ZNF18: variants seen among roughly 807,000 people sequenced by gnomAD.
ZNF18 encodes the protein heart development-specific gene 1 protein.
ZNF18 carries 42 observed loss-of-function variants against 58.1 expected under a neutral mutation model. The observed-to-expected ratio is 0.72, with a 90% confidence interval of 0.56 to 0.93. The LOEUF is 0.93. Ranked by LOEUF, ZNF18 falls within the 40% of genes least tolerant of loss-of-function variation. ZNF18 has a pLI of 0.00. For synonymous variants in ZNF18, 231 were observed against 239.8 expected, an observed-to-expected ratio of 0.96 and a Z score of 0.34; for missense variants, 540 against 644.2, an observed-to-expected ratio of 0.84 and a Z score of 1.75.
At chr17:12,006,864 C>T in the ZNF18 span, among the ~76,000 whole-genome samples, 1 of 152,066 alleles carries the variant, frequency 6.6e-6, no homozygotes, top group African/African-American at 2.4e-5. Flanking sequence ...AAAGTCTCAA[C>T]TAAATGAATT....
intron 6 of ZNF18, 131 bp downstream of exon 6, chr17:11,983,166 G>C: frequency 1.6e-6 from 1 of 639,540 alleles, no homozygotes; most frequent in South Asian, 1.8e-5. Context: ...AAACCAATCA[G>C]ATCATGGCTA....
upstream of ZNF18, among the ~76,000 whole-genome samples, chr17:11,998,019 G>A (rs747927355): frequency 1.3e-5 from 2 of 151,802 alleles, no homozygotes; most frequent in Non-Finnish European, 2.9e-5. Context: ...CTAGTCCAAT[G>A]TGGTGCCATC....
chr17:12,001,586 G>A (rs1225060664), upstream of ZNF18, among the ~76,000 whole-genome samples: 4 of 152,046 alleles, frequency 2.6e-5, no homozygotes, highest in East Asian at 3.9e-4. Flanking sequence ...CCGAGATTGC[G>A]CCACTGCACT....
intron 3 of ZNF18, 75 bp from the exon 4 acceptor site, chr17:11,990,625 C>T: frequency 8.4e-7 from 1 of 1,192,908 alleles, no homozygotes; most frequent in African/African-American, 1.5e-5. Context: ...AGATAACAAT[C>T]TTCACAAATC....
intron 1 of ZNF18, among the ~76,000 whole-genome samples, chr17:11,994,872 G>A (rs1213196794): frequency 6.6e-6 from 1 of 152,006 alleles, no homozygotes; most frequent in Non-Finnish European, 1.5e-5. Flanking sequence ...TTATAAGGAA[G>A]AGAAACTACA....
intron 4 of ZNF18, among the ~76,000 whole-genome samples, chr17:11,987,065 T>A (rs544925845): frequency 6.6e-6 from 1 of 152,334 alleles, no homozygotes; most frequent in Non-Finnish European, 1.5e-5. Flanking sequence ...TTCTCATATT[T>A]AGAAGAGACG....
rs548225096 is a variant in ZNF18, at chr17:11,983,141, C to T, written c.862+156G>A. On this transcript the variant is annotated intron_variant, in intron 6 of 6. Coordinates refer to ENST00000580306, the MANE Select transcript of ZNF18 (RefSeq NM_001303281.2). Reference sequence around the variant, plus strand: ...ATAGCCAGAGATAAGTAGACTCAATCTCAATAGTTAAATCAAACCAATCAG... The same window carrying T: ...ATAGCCAGAGATAAGTAGACTCAATTTCAATAGTTAAATCAAACCAATCAG... Among the ~76,000 whole-genome samples, 4 of 152,298 alleles carry T rather than the reference C, an allele frequency of 2.6e-5. No homozygotes were observed. In the South Asian group the frequency reaches 8.3e-4, roughly 32 times the overall value.
the ZNF18 span, chr17:12,010,818 G>T: frequency 2.4e-6 from 1 of 424,200 alleles, no homozygotes; most frequent in East Asian, 4.3e-5. Flanking sequence ...GTGCTTTTCT[G>T]GGCAGTGCAG....
chr17:12,012,353 T>C, the ZNF18 span, among the ~76,000 whole-genome samples: 3 of 152,250 alleles, frequency 2.0e-5, no homozygotes. Context: ...TCCATGTTTA[T>C]TCAGTTGCCT....
chr17:12,019,165 C>T, the ZNF18 span, among the ~76,000 whole-genome samples: 2 of 151,702 alleles, frequency 1.3e-5, no homozygotes, highest in Non-Finnish European at 2.9e-5. Flanking sequence ...GGTTTCACCA[C>T]GTTGGCCAGG....
At chr17:11,978,836 T>TTTTA in intron 6 of ZNF18, 92 bp from the exon 7 acceptor site, 6 of 554,060 alleles carry the variant, frequency 1.1e-5, no homozygotes, top group East Asian at 4.0e-5. Flanking sequence ...AAAACATTCA[T>TTTTA]TTTCTTTTTT....
the ZNF18 span, among the ~76,000 whole-genome samples, chr17:12,013,336 G>C: frequency 6.6e-6 from 1 of 152,140 alleles, no homozygotes; most frequent in Non-Finnish European, 1.5e-5. Context: ...TTTGTCTTTT[G>C]ACTTTGCTTA....
At position 11,992,501 on chromosome 17, in the gene ZNF18, T is replaced by C; in HGVS notation, c.329A>G (p.Glu110Gly). The change falls in exon 2 of 7, where the codon GAA (glutamate) becomes GGA (glycine). Residue 110 changes from glutamate (E) to glycine (G), a missense_variant. Transcript: ENST00000580306. ...WVRKQCPGSG[E>G]EAVTLVESLK... ...GCTTTCCACAAGGGTCACTGCCTCT[T>C]CTCCACTTCCTGGACACTGTTTCCG... The C allele has an allele frequency of 6.2e-7, 1 of 1,614,166 alleles. No individual in the cohort carries two copies. Among genetic ancestry groups the C allele is most frequent in the South Asian group, 1.1e-5 (1 of 91,082 alleles).
In ZNF18 at chr17:11,990,540, G is replaced by A. The variant is rs924721089; in HGVS notation, c.588C>T (p.Ala196=). 1.9e-6 allele frequency: 3 copies of A among 1,610,110 alleles called. No individual in the cohort carries two copies. The South Asian group carries it at 3.3e-5, about 18-fold the overall frequency. The change falls in exon 4 of 7, where the codon GCC becomes GCT. Residue 196 remains alanine, a synonymous_variant. Transcript: ENST00000580306. Reference sequence around the variant, plus strand: ...TTTCCTCCAGTCGGGCAGGCTGGGAGGCAGCCAGGGCTGAAGTGAGGAGAG... The same window carrying A: ...TTTCCTCCAGTCGGGCAGGCTGGGAAGCAGCCAGGGCTGAAGTGAGGAGAG... ...SDTEAELALA[A]SQPARLEERL...
At chr17:12,001,885 A>G (rs1968664369), upstream of ZNF18, among the ~76,000 whole-genome samples, 2 of 152,136 alleles carry the variant, frequency 1.3e-5, no homozygotes, top group South Asian at 4.1e-4. Context: ...TACTAAAAAA[A>G]TGAAAGCACA....
chr17:12,009,848 T>A, the ZNF18 span, among the ~76,000 whole-genome samples: 3 of 152,166 alleles, frequency 2.0e-5, no homozygotes, highest in African/African-American at 7.2e-5. Flanking sequence ...AAAAACCACT[T>A]AAAATACACC....
In ZNF18 at chr17:11,978,460, A is replaced by T; in HGVS notation, c.1147T>A (p.Ser383Thr). ...HLPNPHSGEMSTMWLEEKRET... is the reference protein window; with the variant it reads ...HLPNPHSGEMTTMWLEEKRET... ...CTCTTCTCCTCAAGCCACATGGTGGACATTTCTCCTGAATGAGGATTAGGC... is the reference window on the plus strand; with the variant it reads ...CTCTTCTCCTCAAGCCACATGGTGGTCATTTCTCCTGAATGAGGATTAGGC... Residue 383 changes from serine (S) to threonine (T), a missense_variant, in exon 7 of 7, where the codon TCC (serine) becomes ACC (threonine). Coordinates refer to ENST00000580306, the MANE Select transcript of ZNF18 (RefSeq NM_001303281.2). 4 of 1,579,434 alleles carry T rather than the reference A, an allele frequency of 2.5e-6. No individual in the cohort carries two copies. Among genetic ancestry groups the T allele is most frequent in the Non-Finnish European group, 1.7e-6 (2 of 1,164,190 alleles).
chr17:12,006,445 T>G, the ZNF18 span, among the ~76,000 whole-genome samples: 1 of 152,212 alleles, frequency 6.6e-6, no homozygotes, highest in Non-Finnish European at 1.5e-5. Context: ...GAGAATTAAA[T>G]GAGACAATAT....
chr17:11,990,881 C>A (rs1052305349), intron 3 of ZNF18, 93 bp downstream of exon 3: 21 of 1,379,242 alleles, frequency 1.5e-5, no homozygotes, highest in Admixed American at 4.2e-5. Flanking sequence ...AGGGATACGC[C>A]AATCTGAGCA....
Sources: gnomAD v4.1 joint callset for allele counts (sites outside exome capture counted in the v4.1 genomes callset) on GRCh38, gnomAD v4.1.1 for gene constraint, MANE v1.5 for transcripts, NCBI Gene and HGNC (gene_info 2026-07-23, HGNC 2026-07-21) for gene names.